The following KSR2 variants were observed in gnomAD, a reference collection of about 807,000 sequenced individuals.
The protein encoded by KSR2 is kinase suppressor of ras 2.
In KSR2, 25 loss-of-function variants were observed where a neutral mutation model predicts 107.8. That is an observed-to-expected ratio of 0.23 (90% CI 0.17 to 0.32). The LOEUF is 0.32. KSR2 is among the 10% of genes least tolerant of loss of function. The pLI is 1.00. For synonymous variants in KSR2, 480 were observed against 507.0 expected, an observed-to-expected ratio of 0.95 and a Z score of 0.71; for missense variants, 887 against 1,268.9, an observed-to-expected ratio of 0.70 and a Z score of 4.57.
intron 14 of KSR2, among the ~76,000 whole-genome samples, chr12:117,505,068 G>A (rs889180528): frequency 1.3e-5 from 2 of 152,132 alleles, no homozygotes; most frequent in Non-Finnish European, 2.9e-5. Flanking sequence ...CCAAGTTGCT[G>A]CAAAAGACAT....
intron 1 of KSR2, among the ~76,000 whole-genome samples, chr12:117,895,302 G>T (rs1894478517): frequency 6.6e-6 from 1 of 152,102 alleles, no homozygotes; most frequent in Non-Finnish European, 1.5e-5. Flanking sequence ...TGCCCAAGGG[G>T]AGTGCCTCAC....
At position 117,667,348 on chromosome 12, in the gene KSR2, T is replaced by C; in HGVS notation, c.1171+126A>G. On this transcript the variant is annotated intron_variant, in intron 5 of 19. Transcript: ENST00000339824. ...GCAGATGATGGGTGAAGCTCTACAG[T>C]GAGCATTTCACAAGCCCTTGAGATA... The C allele has an allele frequency of 3.4e-6, 3 of 891,804 alleles. No homozygotes were observed. In the South Asian group the frequency reaches 4.8e-5, roughly 14 times the overall value. 55.2% of individuals were successfully genotyped at this position (891,804 alleles called of 1,614,324 possible).
At position 117,476,559 on chromosome 12, in the gene KSR2, T is replaced by G. The variant is rs1871794253; in HGVS notation, c.2487A>C (p.Leu829=). The G allele has an allele frequency of 1.2e-6, 2 of 1,611,496 alleles. No homozygotes were observed. Among genetic ancestry groups the G allele is most frequent in the Non-Finnish European group, 1.7e-6 (2 of 1,179,018 alleles). The change falls in exon 17 of 20, where the codon CTA becomes CTC. Residue 829 remains leucine (L), a synonymous_variant. Transcript: ENST00000339824. ...GGATGATCTCTGGTGCCAGGTGGCA[T>G]AGCCAGCCATTCTGGATGCGCAGTT... ...EDKLRIQNGW[L]CHLAPEIIRQ...
At chr12:117,560,012 C>T (rs1450355637) in intron 7 of KSR2, among the ~76,000 whole-genome samples, 1 of 152,090 alleles carries the variant, frequency 6.6e-6, no homozygotes, top group African/African-American at 2.4e-5. Flanking sequence ...TACAGTTGCC[C>T]CCTACTCTCT....
intron 3 of KSR2, among the ~76,000 whole-genome samples, chr12:117,773,960 T>C (rs1370810298): frequency 6.6e-6 from 1 of 152,196 alleles, no homozygotes; most frequent in East Asian, 1.9e-4. Context: ...ATTCCGCTAT[T>C]GTCTCCACTT....
intron 1 of KSR2, among the ~76,000 whole-genome samples, chr12:117,865,331 C>T (rs1252928626): frequency 6.6e-6 from 1 of 152,192 alleles, no homozygotes; most frequent in Non-Finnish European, 1.5e-5. Context: ...TACAAACTTA[C>T]ATCATTGGCA....
intron 5 of KSR2, among the ~76,000 whole-genome samples, chr12:117,641,987 T>C (rs1877508276): frequency 6.6e-6 from 1 of 152,206 alleles, no homozygotes; most frequent in Non-Finnish European, 1.5e-5. Flanking sequence ...CAGCAGAGGC[T>C]ATTCCTTCTG....
intron 14 of KSR2, among the ~76,000 whole-genome samples, chr12:117,491,622 T>A (rs960405933): frequency 2.6e-5 from 4 of 152,228 alleles, no homozygotes; most frequent in Admixed American, 6.5e-5. Flanking sequence ...ATTTTCTTGA[T>A]CCATTCATCT....
intron 1 of KSR2, among the ~76,000 whole-genome samples, chr12:117,955,558 A>G (rs550096754): frequency 6.6e-6 from 1 of 152,292 alleles, no homozygotes; most frequent in East Asian, 1.9e-4. Context: ...CTACTAGTCT[A>G]TATTGCTTAA....
chr12:117,911,610 C>G (rs1011704274), intron 1 of KSR2, among the ~76,000 whole-genome samples: 1 of 152,224 alleles, frequency 6.6e-6, no homozygotes, highest in Admixed American at 6.5e-5. Context: ...GGACATATCT[C>G]TATCAAGGAC....
intron 4 of KSR2, among the ~76,000 whole-genome samples, chr12:117,705,599 C>T (rs1483555063): frequency 6.6e-6 from 1 of 152,226 alleles, no homozygotes; most frequent in Non-Finnish European, 1.5e-5. Flanking sequence ...CTGAATGTGC[C>T]TTGCACTGCC....
rs1378360971 is a variant in KSR2, at chr12:117,590,643, TAGTGCCAGAG to T, written c.1172-8294_1172-8285del. Among the ~76,000 whole-genome samples, 302 of 152,332 alleles carry T rather than the reference TAGTGCCAGAG, an allele frequency of 2.0e-3. 1 individual carries two copies. Among genetic ancestry groups the T allele is most frequent in the Non-Finnish European group, 3.3e-3 (222 of 68,024 alleles). ...ACAAAGCTCTGTACGGACTATGACT[TAGTGCCAGAG>T]TTGGCAAACTTGACCCTCAGGCCAA... On this transcript the variant is annotated intron_variant, in intron 5 of 19. Transcript: ENST00000339824.
chr12:117,480,021 CATGTGT>C (rs1004697765), intron 16 of KSR2, among the ~76,000 whole-genome samples: 25 of 108,920 alleles, frequency 2.3e-4, no homozygotes, highest in African/African-American at 4.0e-4. Context: ...AATCATTACA[CATGTGT>C]ATGTGTGTGT....
At chr12:117,739,994 T>A (rs1199162770) in intron 4 of KSR2, among the ~76,000 whole-genome samples, 7 of 151,946 alleles carry the variant, frequency 4.6e-5, no homozygotes, top group Admixed American at 4.6e-4. Flanking sequence ...GTAAGTTCTT[T>A]AGTGGCGATT....
chr12:117,963,654 A>G (rs1896719510), intron 1 of KSR2, among the ~76,000 whole-genome samples: 1 of 152,032 alleles, frequency 6.6e-6, no homozygotes, highest in African/African-American at 2.4e-5. Context: ...GCATTCCAAA[A>G]CCTTTGAAGA....
chr12:117,697,976 G>A (rs1250556862), intron 4 of KSR2, among the ~76,000 whole-genome samples: 5 of 152,130 alleles, frequency 3.3e-5, no homozygotes, highest in African/African-American at 7.2e-5. Flanking sequence ...ACAGAGACAC[G>A]CACAGAGAGA....
At chr12:117,495,910 C>T (rs1177581026) in intron 14 of KSR2, among the ~76,000 whole-genome samples, 1 of 152,044 alleles carries the variant, frequency 6.6e-6, no homozygotes, top group Non-Finnish European at 1.5e-5. Flanking sequence ...AAAAATTAGC[C>T]AGGCGTGGTT....
chr12:117,836,952 A>G (rs1280873901), intron 3 of KSR2, among the ~76,000 whole-genome samples: 1 of 152,166 alleles, frequency 6.6e-6, no homozygotes, highest in Non-Finnish European at 1.5e-5. Flanking sequence ...CTCCCTTTGC[A>G]TCTCCACTAG....
At chr12:117,606,603 CCTT>C (rs1465635032) in intron 5 of KSR2, among the ~76,000 whole-genome samples, 83 of 16,118 alleles carry the variant, frequency 5.1e-3, no homozygotes, top group Non-Finnish European at 8.2e-3. Flanking sequence ...CTTCTTTCCT[CCTT>C]CCTTCCTTCC....
Sources: gnomAD v4.1 joint callset for allele counts (sites outside exome capture counted in the v4.1 genomes callset) on GRCh38, gnomAD v4.1.1 for gene constraint, MANE v1.5 for transcripts, NCBI Gene and HGNC (gene_info 2026-07-23, HGNC 2026-07-21) for gene names.